Variants in POC1B observed in about 807,000 individuals in gnomAD.
POC1B encodes the protein POC1 centriolar protein B.
Under a neutral mutation model 60.6 loss-of-function variants are expected in POC1B, and 44 were observed. The ratio of observed to expected loss-of-function variants is 0.73; its 90% CI spans 0.57 to 0.93. The LOEUF is 0.93. Among genes scored for constraint, POC1B ranks in the 40% least tolerant of loss-of-function variants. The pLI is 0.00. For synonymous variants in POC1B, 180 were observed against 198.9 expected, an observed-to-expected ratio of 0.90 and a Z score of 0.80; for missense variants, 555 against 572.3, an observed-to-expected ratio of 0.97 and a Z score of 0.31.
At chr12:89,452,479 G>A (rs1270112989) in intron 10 of POC1B, among the ~76,000 whole-genome samples, 1 of 151,846 alleles carries the variant, frequency 6.6e-6, no homozygotes, top group African/African-American at 2.4e-5. Flanking sequence ...ATAGGAGTAA[G>A]GACAAGTTTC....
intron 10 of POC1B, among the ~76,000 whole-genome samples, chr12:89,454,452 T>TA (rs1470433887): frequency 6.6e-6 from 1 of 152,220 alleles, no homozygotes; most frequent in Non-Finnish European, 1.5e-5. Context: ...CCTGTCCTCT[T>TA]ACAGCAGGCA....
At chr12:89,446,124 G>A (rs1407909356) in intron 10 of POC1B, among the ~76,000 whole-genome samples, 1 of 152,166 alleles carries the variant, frequency 6.6e-6, no homozygotes, top group Non-Finnish European at 1.5e-5. Flanking sequence ...GAGAGGATGT[G>A]GAGAAATAGG....
intron 4 of POC1B, among the ~76,000 whole-genome samples, chr12:89,490,022 G>A (rs1404698642): frequency 6.6e-6 from 1 of 152,152 alleles, no homozygotes; most frequent in African/African-American, 2.4e-5. Flanking sequence ...AAGGCTGTGA[G>A]GACTGAAGCC....
intron 5 of POC1B, 88 bp downstream of exon 5, chr12:89,472,080 C>A: frequency 1.1e-6 from 1 of 951,486 alleles, no homozygotes; most frequent in South Asian, 1.6e-5. Flanking sequence ...ATTTCAATTT[C>A]TTTACTCATT....
At chr12:89,447,298 T>C (rs1302973524) in intron 10 of POC1B, among the ~76,000 whole-genome samples, 2 of 152,170 alleles carry the variant, frequency 1.3e-5, no homozygotes, top group African/African-American at 4.8e-5. Flanking sequence ...GTGCCCAAAA[T>C]GTAAGACAGT....
At chr12:89,449,199 C>G (rs1209417784) in intron 10 of POC1B, among the ~76,000 whole-genome samples, 1 of 152,134 alleles carries the variant, frequency 6.6e-6, no homozygotes, top group Non-Finnish European at 1.5e-5. Flanking sequence ...GCCTTGCTTG[C>G]CCCCATCATT....
chr12:89,468,847 C>G (rs944145867), intron 7 of POC1B, among the ~76,000 whole-genome samples: 1 of 151,336 alleles, frequency 6.6e-6, no homozygotes, highest in Admixed American at 6.6e-5. Context: ...CATTCTATTT[C>G]TAGATATAAA....
At chr12:89,521,064 G>T (rs1400514311) in intron 2 of POC1B, 1 of 151,038 alleles carries the variant, frequency 6.6e-6, no homozygotes, top group Non-Finnish European at 1.5e-5. Flanking sequence ...TTAACCCACA[G>T]AAGTAAACCA....
chr12:89,412,738 T>C, the POC1B span, among the ~76,000 whole-genome samples: 6 of 151,972 alleles, frequency 3.9e-5, no homozygotes, highest in African/African-American at 1.5e-4. Context: ...TAAAAATCCA[T>C]AGATGCTCTC....
intron 10 of POC1B, among the ~76,000 whole-genome samples, chr12:89,431,453 A>G (rs539491280): frequency 1.3e-5 from 2 of 152,052 alleles, no homozygotes; most frequent in Admixed American, 1.3e-4. Flanking sequence ...ACACACACAC[A>G]CACGCACATG....
At chr12:89,431,591 T>C (rs901653443) in intron 10 of POC1B, among the ~76,000 whole-genome samples, 1 of 152,216 alleles carries the variant, frequency 6.6e-6, no homozygotes, top group African/African-American at 2.4e-5. Context: ...TTATTTTCAA[T>C]GATAAAATTT....
At chr12:89,416,069 A>T (rs1193937201), downstream of POC1B, among the ~76,000 whole-genome samples, 1 of 152,184 alleles carries the variant, frequency 6.6e-6, no homozygotes, top group Non-Finnish European at 1.5e-5. Flanking sequence ...AATAAAAAAT[A>T]CTCATTTATT....
At chr12:89,499,894 C>G (rs560661609) in intron 2 of POC1B, among the ~76,000 whole-genome samples, 1 of 152,374 alleles carries the variant, frequency 6.6e-6, no homozygotes, top group East Asian at 1.9e-4. Flanking sequence ...TTGTTGAGGG[C>G]AGAGCCAATG....
intron 2 of POC1B, chr12:89,523,876 A>G: frequency 1.3e-6 from 2 of 1,571,950 alleles, no homozygotes; most frequent in South Asian, 2.4e-5. Flanking sequence ...ACAATCCAGG[A>G]AAGTGAGGAC....
intron 11 of POC1B, among the ~76,000 whole-genome samples, chr12:89,423,176 CTTG>C (rs747675762): frequency 6.6e-5 from 10 of 152,226 alleles, no homozygotes; most frequent in East Asian, 1.9e-4. Flanking sequence ...GGCTAATTAA[CTTG>C]TTGTTGCTGT....
At position 89,459,670 on chromosome 12, in the gene POC1B, CAG is replaced by C. The variant is rs774472777; in HGVS notation, c.1079_1080del (p.Pro360ArgfsTer8). 24 of 1,500,222 alleles carry C rather than the reference CAG, an allele frequency of 1.6e-5. No homozygotes were observed. The highest frequency in any genetic ancestry group is 2.1e-5 in the Non-Finnish European group (23 of 1,120,650). 92.9% of individuals were successfully genotyped at this position (1,500,222 alleles called of 1,614,324 possible). On this transcript the variant is annotated frameshift_variant, in exon 10 of 12. Coordinates refer to ENST00000313546, the MANE Select transcript of POC1B (RefSeq NM_172240.3). LOFTEE classifies it high-confidence loss of function. ...GAATCAAAAGAAAGGATATCCATAA[CAG>C]GGGGAGTAGAGATCTGCAAATCGAT... ...EVIDLQISTP[P>X]VMDILSFDST...
At position 89,443,282 on chromosome 12, in the gene POC1B, C is replaced by G. The variant is rs57750939; in HGVS notation, c.1113+16356G>C. Among the ~76,000 whole-genome samples the G allele has an allele frequency of 3.6e-3, 546 of 152,326 alleles. 23 individuals carry two copies. In the East Asian group the frequency reaches 0.091, roughly 25 times the overall value. On this transcript the variant is annotated intron_variant, in intron 10 of 11. Transcript: ENST00000313546. The stretch of plus-strand genomic sequence containing the variant: ...TGGACATCTATAGAACTCTCCACCC[C>G]AAATCAACAGAATATACATTTTTCT...
intron 2 of POC1B, among the ~76,000 whole-genome samples, chr12:89,518,316 A>G (rs1870563273): frequency 6.6e-6 from 1 of 152,212 alleles, no homozygotes; most frequent in Non-Finnish European, 1.5e-5. Context: ...AGACTGATTC[A>G]TTCATATATA....
intron 10 of POC1B, among the ~76,000 whole-genome samples, chr12:89,431,557 T>C (rs1410018071): frequency 6.6e-6 from 1 of 152,160 alleles, no homozygotes; most frequent in Non-Finnish European, 1.5e-5. Context: ...AAAGCAAATA[T>C]TTTTCAAAGA....
Sources: allele counts gnomAD v4.1 joint callset (sites outside exome capture counted in the v4.1 genomes callset), GRCh38; gene constraint gnomAD v4.1.1; transcripts MANE v1.5; gene names NCBI Gene and HGNC (gene_info 2026-07-23, HGNC 2026-07-21).